HDAC9: variants seen among roughly 807,000 people sequenced by gnomAD.
HDAC9 encodes histone deacetylase 9, also known as MEF-2 interacting transcription repressor (MITR) protein.
Under a neutral mutation model 139.4 loss-of-function variants are expected in HDAC9, and 41 were observed. The observed-to-expected ratio is 0.29, with a 90% confidence interval of 0.23 to 0.38. The LOEUF (loss-of-function observed/expected upper bound fraction) is 0.38. HDAC9 is among the 10% of genes least tolerant of loss of function. HDAC9 has a pLI of 1.00. For synonymous variants in HDAC9, 517 were observed against 476.2 expected, an observed-to-expected ratio of 1.09 and a Z score of -1.12; for missense variants, 1,147 against 1,297.0, an observed-to-expected ratio of 0.88 and a Z score of 1.78.
At chr7:18,575,834 T>TATTC (rs143901359) in intron 2 of HDAC9, among the ~76,000 whole-genome samples, 768 of 152,274 alleles carry the variant, frequency 5.0e-3, no homozygotes, top group Non-Finnish European at 9.1e-3. Flanking sequence ...TTGTGACTAT[T>TATTC]ATTCATTCAT....
chr7:18,562,139 A>G (rs1820809931), intron 2 of HDAC9, among the ~76,000 whole-genome samples: 1 of 152,106 alleles, frequency 6.6e-6, no homozygotes, highest in Non-Finnish European at 1.5e-5. Context: ...TTCTCTGGAG[A>G]AATGTCTTTT....
intron 1 of HDAC9, among the ~76,000 whole-genome samples, chr7:18,370,825 G>A (rs1276698873): frequency 6.6e-6 from 1 of 152,178 alleles, no homozygotes; most frequent in Non-Finnish European, 1.5e-5. Context: ...GAATTGCACT[G>A]ATTGGCATTG....
intron 13 of HDAC9, among the ~76,000 whole-genome samples, chr7:18,732,953 ATG>A (rs1199843021): frequency 1.2e-4 from 11 of 93,196 alleles, no homozygotes; most frequent in South Asian, 2.9e-4. Context: ...ACACACGTGT[ATG>A]TGTGTGTATG....
intron 1 of HDAC9, among the ~76,000 whole-genome samples, chr7:18,414,383 C>T (rs1045489192): frequency 1.3e-5 from 2 of 150,872 alleles, no homozygotes; most frequent in Non-Finnish European, 3.0e-5. Context: ...GCTCCTTACT[C>T]ATCCTTCCTT....
At chr7:18,703,360 A>C (rs1341568853) in intron 12 of HDAC9, among the ~76,000 whole-genome samples, 2 of 152,196 alleles carry the variant, frequency 1.3e-5, no homozygotes, top group African/African-American at 4.8e-5. Context: ...TATATCAAAA[A>C]GCACAGTTTC....
chr7:18,616,184 A>C (rs1048430434), intron 6 of HDAC9, among the ~76,000 whole-genome samples: 2 of 152,180 alleles, frequency 1.3e-5, no homozygotes, highest in Non-Finnish European at 2.9e-5. Context: ...GTTGATTGGC[A>C]ACCTTAAATC....
At chr7:18,183,135 G>T (rs1162944547) in intron 2 of HDAC9, among the ~76,000 whole-genome samples, 1 of 151,434 alleles carries the variant, frequency 6.6e-6, no homozygotes, top group Non-Finnish European at 1.5e-5. Context: ...TCAGCTTCCC[G>T]AGTAGCTGGG....
At chr7:18,679,768 T>A (rs1781769656) in intron 12 of HDAC9, among the ~76,000 whole-genome samples, 1 of 151,854 alleles carries the variant, frequency 6.6e-6, no homozygotes, top group Non-Finnish European at 1.5e-5. Context: ...ATTTATAACA[T>A]CTAAATACTA....
At position 18,575,042 on chromosome 7, in the gene HDAC9, T is replaced by C. The variant is rs185038728; in HGVS notation, c.23-10239T>C. ...GGGCAGCCCCCGCCCCCACTGCAGC[T>C]GGTGTCATGGCAGCAGCCCTTCTGG... On this transcript the variant is annotated intron_variant, in intron 2 of 25. Coordinates refer to ENST00000686413, the MANE Select transcript of HDAC9 (RefSeq NM_178425.4). 1.2e-3 allele frequency among the ~76,000 whole-genome samples: 189 copies of C among 152,352 alleles called. 3 individuals are homozygous for C. In the East Asian group the frequency reaches 0.021, roughly 17 times the overall value.
At chr7:18,468,382 C>G (rs535581111) in intron 1 of HDAC9, among the ~76,000 whole-genome samples, 1 of 152,180 alleles carries the variant, frequency 6.6e-6, no homozygotes, top group South Asian at 2.1e-4. Flanking sequence ...CAATTCAATA[C>G]TACTTTATTT....
intron 23 of HDAC9, among the ~76,000 whole-genome samples, chr7:18,940,259 T>C (rs558128120): frequency 2.6e-5 from 4 of 152,332 alleles, no homozygotes; most frequent in Admixed American, 2.0e-4. Flanking sequence ...TTCTTCTTTT[T>C]AAATATCTTT....
chr7:18,614,391 T>C (rs896635734), intron 6 of HDAC9, among the ~76,000 whole-genome samples: 2 of 152,134 alleles, frequency 1.3e-5, no homozygotes, highest in Non-Finnish European at 2.9e-5. Context: ...TTCAGTTCTG[T>C]CTCTGTTGTC....
intron 14 of HDAC9, among the ~76,000 whole-genome samples, chr7:18,751,087 T>C (rs1053497954): frequency 6.6e-6 from 1 of 152,198 alleles, no homozygotes; most frequent in Admixed American, 6.5e-5. Flanking sequence ...GTCTAAAAAT[T>C]AGAAAGTCTA....
intron 12 of HDAC9, among the ~76,000 whole-genome samples, chr7:18,706,739 T>C (rs1327534582): frequency 6.6e-6 from 1 of 152,160 alleles, no homozygotes; most frequent in South Asian, 2.1e-4. Context: ...CATCTTACAA[T>C]ATATAGGACA....
At chr7:18,551,799 AT>A (rs1817228251) in intron 2 of HDAC9, among the ~76,000 whole-genome samples, 1 of 152,164 alleles carries the variant, frequency 6.6e-6, no homozygotes, top group East Asian at 1.9e-4. Flanking sequence ...TAAGAACTAG[AT>A]TTGGTGTTAA....
intron 16 of HDAC9, among the ~76,000 whole-genome samples, chr7:18,786,406 G>A (rs564883945): frequency 6.6e-6 from 1 of 151,700 alleles, no homozygotes; most frequent in African/African-American, 2.4e-5. Context: ...TGCCTAATGT[G>A]AATAGTACCA....
At chr7:18,727,249 G>A (rs901337606) in intron 12 of HDAC9, among the ~76,000 whole-genome samples, 1 of 152,154 alleles carries the variant, frequency 6.6e-6, no homozygotes, top group East Asian at 1.9e-4. Flanking sequence ...CAAAACGTTG[G>A]TATCTAGGTA....
chr7:18,874,809 T>C (rs1470799556), intron 22 of HDAC9, among the ~76,000 whole-genome samples: 1 of 152,168 alleles, frequency 6.6e-6, no homozygotes, highest in Non-Finnish European at 1.5e-5. Context: ...TTGGTGGACA[T>C]GACAGCACAT....
chr7:18,972,511 G>C (rs1420818645), intron 24 of HDAC9, among the ~76,000 whole-genome samples: 2 of 151,390 alleles, frequency 1.3e-5, no homozygotes, highest in African/African-American at 2.4e-5. Context: ...CTCCGGAGTA[G>C]CCAGGATTAT....
Sources: allele counts gnomAD v4.1 joint callset (sites outside exome capture counted in the v4.1 genomes callset), GRCh38; gene constraint gnomAD v4.1.1; transcripts MANE v1.5; gene names NCBI Gene and HGNC (gene_info 2026-07-23, HGNC 2026-07-21).